Variants in PTK2 observed in about 807,000 individuals in gnomAD.
PTK2 encodes protein tyrosine kinase 2.
PTK2 carries 45 observed loss-of-function variants against 150.1 expected under a neutral mutation model. The ratio of observed to expected loss-of-function variants is 0.30; its 90% CI spans 0.24 to 0.38. PTK2 has a LOEUF of 0.38. Ranked by LOEUF, PTK2 falls within the 10% of genes least tolerant of loss-of-function variation. The pLI is 1.00. For missense variants in PTK2, 919 were observed against 1,307.3 expected, an observed-to-expected ratio of 0.70 and a Z score of 4.58; for synonymous variants, 432 against 449.2, an observed-to-expected ratio of 0.96 and a Z score of 0.48.
At chr8:140,950,345 G>A (rs535760593) in intron 1 of PTK2, among the ~76,000 whole-genome samples, 12 of 152,302 alleles carry the variant, frequency 7.9e-5, no homozygotes, top group Admixed American at 5.9e-4. Flanking sequence ...TCTTCTGGGC[G>A]CCACCTCGTT....
At chr8:140,802,894 C>T (rs867405089) in intron 11 of PTK2, among the ~76,000 whole-genome samples, 1 of 147,820 alleles carries the variant, frequency 6.8e-6, no homozygotes, top group African/African-American at 2.5e-5. Flanking sequence ...GATGTTTGCA[C>T]AACAAAGAAA....
chr8:140,841,520 A>G (rs574875824), intron 7 of PTK2, among the ~76,000 whole-genome samples: 144 of 152,278 alleles, frequency 9.5e-4, no homozygotes, highest in African/African-American at 3.2e-3. Flanking sequence ...AACATTTAAC[A>G]ATCTTAAGTT....
At chr8:140,669,803 A>G in intron 29 of PTK2, 68 bp from the exon 33 acceptor site, 12 of 1,458,720 alleles carry the variant, frequency 8.2e-6, no homozygotes, top group South Asian at 1.2e-5. Context: ...AAGAAAAACA[A>G]TATTAATAAA....
chr8:140,674,484 A>G, intron 28 of PTK2, 80 bp from the exon 32 acceptor site: 1 of 1,288,646 alleles, frequency 7.8e-7, no homozygotes. Context: ...TCATGCCTAT[A>G]ATCTCAGCAC....
At chr8:140,850,531 C>T (rs2100128584) in intron 5 of PTK2, among the ~76,000 whole-genome samples, 1 of 150,530 alleles carries the variant, frequency 6.6e-6, no homozygotes, top group Non-Finnish European at 1.5e-5. Context: ...CGAGACCACC[C>T]TGGCTAACAT....
chr8:140,846,250 C>G lies in PTK2; in HGVS notation c.593+10G>C, dbSNP rs1426826327. 1.3e-6 allele frequency: 2 copies of G among 1,586,734 alleles called. No homozygotes were observed. Among genetic ancestry groups the G allele is most frequent in the South Asian group, 1.1e-5 (1 of 89,334 alleles). The stretch of plus-strand genomic sequence containing the variant: ...TATTTGCAGGTATAGATTGTAAGTA[C>G]AATACTTACTCTAATACTTCATAGT... On this transcript the variant is annotated intron_variant, in intron 7 of 31. Transcript: ENST00000522684.
intron 2 of PTK2, among the ~76,000 whole-genome samples, chr8:140,920,075 C>T: frequency 6.6e-6 from 1 of 151,996 alleles, no homozygotes; most frequent in Non-Finnish European, 1.5e-5. Flanking sequence ...AAGGGAGTAA[C>T]ATGACATTTA....
chr8:140,912,240 C>T (rs1034647151), intron 2 of PTK2, among the ~76,000 whole-genome samples: 2 of 148,770 alleles, frequency 1.3e-5, no homozygotes, highest in African/African-American at 4.9e-5. Context: ...AACACTCTGT[C>T]TCTATAAAAG....
chr8:140,787,899 A>G (rs1368101174), intron 14 of PTK2, among the ~76,000 whole-genome samples: 1 of 152,200 alleles, frequency 6.6e-6, no homozygotes, highest in African/African-American at 2.4e-5. Flanking sequence ...CCTACTCTAC[A>G]GAACATCCTG....
chr8:140,783,810 C>T (rs1489843376), intron 14 of PTK2, among the ~76,000 whole-genome samples: 1 of 151,988 alleles, frequency 6.6e-6, no homozygotes, highest in Non-Finnish European at 1.5e-5. Context: ...AACAACTGAA[C>T]CAAAATAATG....
intron 22 of PTK2, among the ~76,000 whole-genome samples, chr8:140,731,189 A>C (rs1285162676): frequency 6.6e-6 from 1 of 151,930 alleles, no homozygotes; most frequent in Non-Finnish European, 1.5e-5. Context: ...CGAGCTCCTG[A>C]CCTCAGGTGA....
At chr8:140,860,683 A>G (rs2100135542) in intron 5 of PTK2, among the ~76,000 whole-genome samples, 1 of 152,160 alleles carries the variant, frequency 6.6e-6, no homozygotes, top group Non-Finnish European at 1.5e-5. Flanking sequence ...ATGTTGGCCA[A>G]GGCTGGTCTC....
intron 1 of PTK2, among the ~76,000 whole-genome samples, chr8:141,000,614 C>T (rs1352745414): frequency 6.6e-6 from 1 of 150,622 alleles, no homozygotes; most frequent in Non-Finnish European, 1.5e-5. Context: ...AGAGCCCCGG[C>T]CTCCTCGTCT....
intron 14 of PTK2, among the ~76,000 whole-genome samples, chr8:140,766,163 T>G (rs142078230): frequency 6.6e-6 from 1 of 152,206 alleles, no homozygotes; most frequent in Non-Finnish European, 1.5e-5. Context: ...TCTACAACCC[T>G]GCACGTAGCT....
chr8:140,774,344 C>T lies in PTK2; in HGVS notation c.1178-10054G>A, dbSNP rs114580111. 4.5e-3 allele frequency among the ~76,000 whole-genome samples: 686 copies of T among 152,296 alleles called. 4 individuals carry two copies. The highest frequency in any genetic ancestry group is 0.016 in the African/African-American group (649 of 41,554). ...GGTTATAACTGCAGAGGGCTACTTACTTCTCTACACATTTAGATAAGAAAA... is the reference window on the plus strand; with the variant it reads ...GGTTATAACTGCAGAGGGCTACTTATTTCTCTACACATTTAGATAAGAAAA... On this transcript the variant is annotated intron_variant, in intron 14 of 31. Transcript: ENST00000522684.
In PTK2 at chr8:140,979,267, G is replaced by GA. The variant is rs1221077690; in HGVS notation, c.-122+21857dup. Among the ~76,000 whole-genome samples, 1,255 of 131,108 alleles carry GA rather than the reference G, an allele frequency of 9.6e-3. 5 individuals are homozygous for GA. Among genetic ancestry groups the GA allele is most frequent in the Non-Finnish European group, 0.014 (849 of 60,350 alleles). The allele number at this position is 131,108 out of a possible 152,430, so 86.0% of individuals were successfully genotyped here. On this transcript the variant is annotated intron_variant, in intron 1 of 31. Transcript: ENST00000522684. ...CTAAACCTTAAAGTATTAAAAAAAA[G>GA]AAAAAAAAAAAGAACTTTAGCTCCA...
At chr8:140,723,284 C>T (rs574617746) in intron 22 of PTK2, among the ~76,000 whole-genome samples, 1 of 152,338 alleles carries the variant, frequency 6.6e-6, no homozygotes, top group East Asian at 1.9e-4. Context: ...TTTAATTAAA[C>T]ATCCGAGTTG....
intron 5 of PTK2, among the ~76,000 whole-genome samples, chr8:140,848,134 T>C (rs1321295946): frequency 1.3e-5 from 2 of 152,334 alleles, no homozygotes; most frequent in East Asian, 3.9e-4. Flanking sequence ...AATTGAACAA[T>C]GCATGCCTAG....
chr8:140,678,842 G>A (rs987216351), intron 27 of PTK2, among the ~76,000 whole-genome samples: 6 of 151,876 alleles, frequency 4.0e-5, no homozygotes, highest in African/African-American at 9.7e-5. Context: ...TGGTGGAAAC[G>A]GGCCAATACT....
Sources: allele counts gnomAD v4.1 joint callset (sites outside exome capture counted in the v4.1 genomes callset), GRCh38; gene constraint gnomAD v4.1.1; transcripts MANE v1.5; gene names NCBI Gene and HGNC (gene_info 2026-07-23, HGNC 2026-07-21).